CTTN: variants seen among roughly 807,000 people sequenced by gnomAD.
CTTN encodes the protein cortactin, also known as src substrate cortactin.
In CTTN, 28 loss-of-function variants were observed where a neutral mutation model predicts 84.0. The observed-to-expected ratio is 0.33, with a 90% CI of 0.25 to 0.46. The LOEUF (loss-of-function observed/expected upper bound fraction) is 0.46. Ranked by LOEUF, CTTN falls within the 20% of genes least tolerant of loss-of-function variation. CTTN has a pLI of 1.00. For missense variants in CTTN, 641 were observed against 723.8 expected, an observed-to-expected ratio of 0.89 and a Z score of 1.31; for synonymous variants, 301 against 288.8, an observed-to-expected ratio of 1.04 and a Z score of -0.43.
At chr11:70,426,565 G>A (rs960142489) in intron 13 of CTTN, among the ~76,000 whole-genome samples, 5 of 151,796 alleles carry the variant, frequency 3.3e-5, no homozygotes, top group South Asian at 2.1e-4. Flanking sequence ...AACTATAAGC[G>A]CATGCCCCCT....
rs763439626 is a variant in CTTN, at chr11:70,433,694, G to A, written c.1492G>A (p.Val498Ile). 14 of 1,613,686 alleles carry A rather than the reference G, an allele frequency of 8.7e-6. No homozygotes were observed. The highest frequency in any genetic ancestry group is 6.7e-5 in the East Asian group (3 of 44,864). The change falls in exon 17 of 18, where the codon GTC becomes ATC. Residue 498 changes from valine to isoleucine, a missense_variant. By Grantham distance (29) the Val-to-Ile change is conservative. This residue lies in a region of CTTN where 68 missense variants were observed against 102.2 expected (regional missense o/e 0.67). Coordinates refer to ENST00000301843, the MANE Select transcript of CTTN (RefSeq NM_005231.4). ...EYENDLGITA[V>I]ALYDYQAAGD... ...CGAGAACGATCTGGGGATCACAGCC[G>A]TCGCCCTGTACGACTACCAGGCTGG...
rs530534784 is a variant in CTTN at position 70,411,251 on chromosome 11, C to T, written c.291+1291C>T. Among the ~76,000 whole-genome samples the T allele has an allele frequency of 1.5e-4, 21 of 137,852 alleles. No homozygotes were observed. The East Asian group carries it at 2.9e-3, about 19-fold the overall frequency. The allele number at this position is 137,852 out of a possible 152,430, so 90.4% of individuals were successfully genotyped here. A position where few individuals can be genotyped will look rare whatever the true frequency, so the allele number is the denominator to read the frequency against. ...AGCGAAGCGTGTGCACACGGACAGA[C>T]GGAATCCATGTGTTCAGTGCAGCGA... On this transcript the variant is annotated intron_variant, in intron 5 of 17. Transcript: ENST00000301843.
At position 70,435,174 on chromosome 11, in the gene CTTN, C is replaced by A. The variant is rs543537964; in HGVS notation, c.*12C>A. On this transcript the variant is annotated 3_prime_UTR_variant, in exon 18 of 18. Transcript: ENST00000301843. ...AGCTGCGGCAGTAGGGCCCCCAGCC[C>A]CCCCCCGGAGCTGCGCCCTGGATCC... The A allele has an allele frequency of 3.1e-5, 50 of 1,601,260 alleles. 1 individual carries two copies. The South Asian group carries it at 3.3e-4, about 11-fold the overall frequency.
chr11:70,417,924 C>T (rs1017582901), intron 8 of CTTN, among the ~76,000 whole-genome samples: 1 of 152,194 alleles, frequency 6.6e-6, no homozygotes, highest in Non-Finnish European at 1.5e-5. Flanking sequence ...ATAGATACTG[C>T]CAAGTTGTCC....
At chr11:70,420,334 A>G (rs1012941745) in intron 9 of CTTN, 66 bp from the exon 10 acceptor site, 2 of 1,042,858 alleles carry the variant, frequency 1.9e-6, no homozygotes, top group East Asian at 4.7e-5. Flanking sequence ...TATTGAAAAC[A>G]TACTTTCCAC....
chr11:70,433,335 C>T (rs2058377426), intron 16 of CTTN, 57 bp downstream of exon 16: 14 of 1,505,612 alleles, frequency 9.3e-6, no homozygotes, highest in Non-Finnish European at 1.2e-5. Context: ...CCGGGACATC[C>T]TGCTCGACCT....
chr11:70,419,846 G>A lies in CTTN; in HGVS notation c.669G>A (p.Glu223=), dbSNP rs1220224775. Residue 223 remains glutamate, a synonymous_variant, in exon 9 of 18, where the codon GAG becomes GAA. Transcript: ENST00000301843. ...ATCAAGGCAAAACGGAGAAGCACGA[G>A]TCCCAGAAAGGTGTCTTCCGTTTTA... ...FEYQGKTEKH[E]SQKDYVKGFG... 31 of 1,612,828 alleles carry A rather than the reference G, an allele frequency of 1.9e-5. No homozygotes were observed. Among genetic ancestry groups the A allele is most frequent in the Non-Finnish European group, 2.6e-5 (31 of 1,179,456 alleles).
chr11:70,427,738 G>A (rs1033834962), intron 13 of CTTN, among the ~76,000 whole-genome samples: 41 of 152,212 alleles, frequency 2.7e-4, no homozygotes, highest in African/African-American at 9.2e-4. Context: ...AGTTGTGCTC[G>A]TCTTCCAGTT....
intron 5 of CTTN, among the ~76,000 whole-genome samples, chr11:70,413,388 C>T (rs937032684): frequency 2.2e-4 from 34 of 152,210 alleles, no homozygotes; most frequent in Non-Finnish European, 5.9e-5. Flanking sequence ...CCTCAGAACC[C>T]TGGGGCCTCG....
intron 10 of CTTN, among the ~76,000 whole-genome samples, chr11:70,420,832 C>G (rs1418489332): frequency 6.6e-6 from 1 of 151,606 alleles, no homozygotes; most frequent in African/African-American, 2.4e-5. Flanking sequence ...GCTGGGTTTA[C>G]CCGGGAGTGG....
rs112826323 is a variant in CTTN at position 70,417,005 on chromosome 11, C to A, written c.458-8C>A. ...GCCCCCGTGCTAATTGCTGCCCTGT[C>A]TCTCCAGACTACTCCAGTGGTTTTG... On this transcript the variant is annotated splice_region_variant and splice_polypyrimidine_tract_variant and intron_variant, in intron 7 of 17. Transcript: ENST00000301843. 64 of 1,611,298 alleles carry A rather than the reference C, an allele frequency of 4.0e-5. No individual in the cohort carries two copies. In the African/African-American group the frequency reaches 7.9e-4, roughly 20 times the overall value.
chr11:70,419,998 G>A (rs1174574481), intron 9 of CTTN, 142 bp downstream of exon 9: 7 of 663,724 alleles, frequency 1.1e-5, no homozygotes, highest in South Asian at 3.9e-5. Context: ...ACTTGAAAAC[G>A]GCACATCCAG....
chr11:70,433,592 C>A, intron 16 of CTTN, 55 bp from the exon 17 acceptor site: 1 of 1,324,596 alleles, frequency 7.5e-7, no homozygotes, highest in Non-Finnish European at 1.1e-6. Flanking sequence ...CTTGAGAAGG[C>A]TGGGAACCTG....
At chr11:70,433,065 T>G in intron 15 of CTTN, 36 bp from the exon 16 acceptor site, 1 of 1,600,298 alleles carries the variant, frequency 6.2e-7, no homozygotes, top group Non-Finnish European at 8.5e-7. Context: ...GAAGCCAGCA[T>G]GGGCCCCGTG....
chr11:70,415,673 G>T lies in CTTN; in HGVS notation c.413G>T (p.Gly138Val). 6.2e-7 allele frequency: 1 copy of T among 1,614,146 alleles called. No homozygotes were observed. Among genetic ancestry groups the T allele is most frequent in the Non-Finnish European group, 8.5e-7 (1 of 1,179,974 alleles). The change falls in exon 7 of 18, where the codon GGC (glycine) becomes GTC (valine). Residue 138 changes from glycine (G) to valine (V), a missense_variant. Physicochemically the swap from Gly to Val is moderately radical, Grantham distance 109. Transcript: ENST00000301843. ...TTTTGGTCGTCACAGTCTGCTGTAG[G>T]CTTTGAATACCAGGGGAAGACTGAG... The part of the protein sequence containing the change: ...QMDRVDQSAV[G>V]FEYQGKTEKH...
Position 70,415,707 on chromosome 11 carries a change from C to T in CTTN, c.447C>T (p.Ala149=). ...ACCAGGGGAAGACTGAGAAGCATGC[C>T]TCCCAGAAAGGTAAGACGCGAAAGG... The part of the protein sequence containing the change: ...FEYQGKTEKH[A]SQKDYSSGFG... Residue 149 remains alanine, a synonymous_variant, in exon 7 of 18, where the codon GCC becomes GCT. Coordinates refer to ENST00000301843, the MANE Select transcript of CTTN (RefSeq NM_005231.4). 6.2e-7 allele frequency: 1 copy of T among 1,614,154 alleles called. No individual in the cohort carries two copies. Among genetic ancestry groups the T allele is most frequent in the African/African-American group, 1.3e-5 (1 of 75,064 alleles).
At chr11:70,421,421 G>C in intron 10 of CTTN, 49 bp from the exon 11 acceptor site, 1 of 1,329,906 alleles carries the variant, frequency 7.5e-7, no homozygotes, top group Non-Finnish European at 1.1e-6. Context: ...TAACCCAACT[G>C]TGTTTCCTCT....
chr11:70,422,831 G>T (rs973779842), intron 11 of CTTN, 109 bp from the exon 12 acceptor site: 6 of 1,566,276 alleles, frequency 3.8e-6, no homozygotes, highest in East Asian at 4.6e-5. Context: ...GTTTCTTCCC[G>T]CTGTGGTGCA....
intron 4 of CTTN, chr11:70,407,862 G>GC: frequency 2.3e-6 from 1 of 435,404 alleles, no homozygotes; most frequent in Non-Finnish European, 4.1e-6. Context: ...TAATTTTAGA[G>GC]TGTCCGCTTC....
Sources: allele counts gnomAD v4.1 joint callset (sites outside exome capture counted in the v4.1 genomes callset), GRCh38; gene constraint gnomAD v4.1.1; regional missense constraint gnomAD v4.1.1; transcripts MANE v1.5; gene names NCBI Gene and HGNC (gene_info 2026-07-23, HGNC 2026-07-21).